SLC4A4: variants seen among roughly 807,000 people sequenced by gnomAD.
The protein encoded by SLC4A4 is solute carrier family 4 member 4.
SLC4A4 carries 27 observed loss-of-function variants against 111.5 expected under a neutral mutation model. The observed-to-expected ratio is 0.24, with a 90% CI of 0.18 to 0.33. The LOEUF (loss-of-function observed/expected upper bound fraction) is 0.33. Ranked by LOEUF, SLC4A4 falls within the 10% of genes least tolerant of loss-of-function variation. SLC4A4 has a pLI of 1.00. For synonymous variants in SLC4A4, 443 were observed against 463.4 expected (o/e 0.96, Z 0.57); for missense variants, 909 against 1,315.5 (o/e 0.69, Z 4.78).
In SLC4A4 at chr4:71,399,852, C is replaced by G. The variant is rs180895385; in HGVS notation, c.807+2199C>G. On this transcript the variant is annotated intron_variant, in intron 7 of 25. Coordinates refer to ENST00000264485, the MANE Select transcript of SLC4A4 (RefSeq NM_001098484.3). ...TAAATTCTTGACTCCTTCAGTTGCTCCTTCAGATGCTAATGTGGATTGTCA... is the reference window on the plus strand; with the variant it reads ...TAAATTCTTGACTCCTTCAGTTGCTGCTTCAGATGCTAATGTGGATTGTCA... Among the ~76,000 whole-genome samples the G allele has an allele frequency of 2.0e-5, 3 of 152,236 alleles. No individual in the cohort carries two copies. In the East Asian group the frequency reaches 5.8e-4, roughly 29 times the overall value.
chr4:71,315,195 C>T (rs1172568796), intron 3 of SLC4A4, among the ~76,000 whole-genome samples: 3 of 152,072 alleles, frequency 2.0e-5, no homozygotes, highest in Admixed American at 2.0e-4. Context: ...TTGTTTCTCC[C>T]TCTATTCTGT....
intron 2 of SLC4A4, among the ~76,000 whole-genome samples, chr4:71,147,799 T>C (rs184220653): frequency 6.6e-6 from 1 of 152,180 alleles, no homozygotes; most frequent in African/African-American, 2.4e-5. Context: ...AAAATAGCTG[T>C]TTACCAGATT....
intron 3 of SLC4A4, among the ~76,000 whole-genome samples, chr4:71,321,247 G>A (rs529494859): frequency 2.6e-5 from 4 of 151,934 alleles, no homozygotes; most frequent in African/African-American, 4.8e-5. Flanking sequence ...GAACCTCTGC[G>A]TTAAAAGTTG....
chr4:71,550,411 G>T (rs2149240873), intron 20 of SLC4A4, among the ~76,000 whole-genome samples: 1 of 151,986 alleles, frequency 6.6e-6, no homozygotes, highest in Middle Eastern at 3.4e-3. Flanking sequence ...GTCAATACAG[G>T]AAGAAGCAGA....
At chr4:71,253,025 C>CA (rs950863031) in intron 2 of SLC4A4, among the ~76,000 whole-genome samples, 31 of 152,162 alleles carry the variant, frequency 2.0e-4, no homozygotes, top group African/African-American at 6.5e-4. Flanking sequence ...TGAACGCTCC[C>CA]ACACCTGTGT....
chr4:71,369,630 T>A (rs1306198040), intron 6 of SLC4A4, among the ~76,000 whole-genome samples: 2 of 152,152 alleles, frequency 1.3e-5, no homozygotes, highest in African/African-American at 4.8e-5. Flanking sequence ...AAAGACAGAA[T>A]GGGCTATGGA....
intron 1 of SLC4A4, among the ~76,000 whole-genome samples, chr4:71,210,005 G>A (rs1718034234): frequency 6.6e-6 from 1 of 152,200 alleles, no homozygotes; most frequent in East Asian, 1.9e-4. Flanking sequence ...CTGTGACCAT[G>A]TTTATCTCTT....
At chr4:71,106,017 T>C (rs375031714) in intron 2 of SLC4A4, among the ~76,000 whole-genome samples, 23,454 of 134,602 alleles carry the variant, frequency 0.17, 1,834 homozygotes, top group East Asian at 0.24. Context: ...TTTCGCAACC[T>C]ACTCATCTGA....
At chr4:71,473,159 AAGG>A (rs1560539274) in intron 14 of SLC4A4, 189 bp downstream of exon 14, 2 of 724,220 alleles carry the variant, frequency 2.8e-6, no homozygotes, top group Non-Finnish European at 4.9e-6. Context: ...TTCAACCAGG[AAGG>A]AGACCAGGAG....
At chr4:71,308,022 A>G (rs772002518) in intron 3 of SLC4A4, among the ~76,000 whole-genome samples, 3 of 152,098 alleles carry the variant, frequency 2.0e-5, no homozygotes, top group Non-Finnish European at 4.4e-5. Flanking sequence ...ATACTTTTCT[A>G]TTCATATGAT....
At position 71,495,195 on chromosome 4, in the gene SLC4A4, C is replaced by T. The variant is rs542935583; in HGVS notation, c.1975-2306C>T. 3.9e-5 allele frequency among the ~76,000 whole-genome samples: 6 copies of T among 152,024 alleles called. No individual in the cohort carries two copies. The South Asian group carries it at 6.2e-4, about 16-fold the overall frequency. ...GAAGACATGTCTGTCATTTCATGTA[C>T]ATCTGTATAGTCTTCACCTCAACCT... On this transcript the variant is annotated intron_variant, in intron 15 of 25. Coordinates refer to ENST00000264485, the MANE Select transcript of SLC4A4 (RefSeq NM_001098484.3).
Position 71,267,584 on chromosome 4 carries a change from C to G in SLC4A4, c.253+12185C>G, listed in dbSNP as rs1294251387. Among the ~76,000 whole-genome samples the G allele has an allele frequency of 2.0e-5, 3 of 151,818 alleles. No homozygotes were observed. The East Asian group carries it at 5.8e-4, about 29-fold the overall frequency. ...CCAAGGTGGGTGGATCACCCGAGGTCAAAGTTTGAGACCAGCCTGGCCAAC... is the reference window on the plus strand; with the variant it reads ...CCAAGGTGGGTGGATCACCCGAGGTGAAAGTTTGAGACCAGCCTGGCCAAC... On this transcript the variant is annotated intron_variant, in intron 3 of 25. Coordinates refer to ENST00000264485, the MANE Select transcript of SLC4A4 (RefSeq NM_001098484.3).
chr4:71,255,521 T>A, intron 3 of SLC4A4, 122 bp downstream of exon 3: 2 of 1,030,584 alleles, frequency 1.9e-6, no homozygotes, highest in Non-Finnish European at 3.0e-6. Flanking sequence ...GTTTAGAATC[T>A]GTTCTAAAGG....
intron 7 of SLC4A4, among the ~76,000 whole-genome samples, chr4:71,438,173 C>T (rs1044794727): frequency 6.6e-6 from 1 of 152,144 alleles, no homozygotes; most frequent in African/African-American, 2.4e-5. Flanking sequence ...ATCATTAAGG[C>T]CAAAAGTAAT....
rs113359639 is a variant in SLC4A4, at chr4:71,256,961, A to G, written c.253+1562A>G. On this transcript the variant is annotated intron_variant, in intron 3 of 25. Coordinates refer to ENST00000264485, the MANE Select transcript of SLC4A4 (RefSeq NM_001098484.3). ...GTGCATCATCACTATTAATGTTAAA[A>G]AGTAAAGAGGTGCTCACCTAGACAA... Among the ~76,000 whole-genome samples the G allele has an allele frequency of 6.1e-4, 93 of 152,334 alleles. 1 individual carries two copies. Among genetic ancestry groups the G allele is most frequent in the African/African-American group, 2.0e-3 (84 of 41,582 alleles).
At chr4:71,107,623 A>G (rs1314224666) in intron 2 of SLC4A4, among the ~76,000 whole-genome samples, 1 of 152,182 alleles carries the variant, frequency 6.6e-6, no homozygotes, top group Non-Finnish European at 1.5e-5. Flanking sequence ...TGCCGGGATT[A>G]TAGACAAAAG....
intron 6 of SLC4A4, among the ~76,000 whole-genome samples, chr4:71,382,443 T>A (rs1174657806): frequency 6.6e-6 from 1 of 152,188 alleles, no homozygotes. Context: ...GCTATACATA[T>A]TTAAGTGAAA....
At chr4:71,396,530 C>T (rs1486318250) in intron 6 of SLC4A4, among the ~76,000 whole-genome samples, 1 of 152,192 alleles carries the variant, frequency 6.6e-6, no homozygotes, top group African/African-American at 2.4e-5. Context: ...CCCTTGTCCT[C>T]TTGCTGTAAA....
intron 6 of SLC4A4, among the ~76,000 whole-genome samples, chr4:71,362,064 G>A (rs929758203): frequency 2.6e-5 from 4 of 152,240 alleles, no homozygotes; most frequent in East Asian, 3.9e-4. Flanking sequence ...CCAATGAGGA[G>A]CCTGAATTTG....
Sources: gnomAD v4.1 joint callset for allele counts (sites outside exome capture counted in the v4.1 genomes callset) on GRCh38, gnomAD v4.1.1 for gene constraint, MANE v1.5 for transcripts, NCBI Gene and HGNC (gene_info 2026-07-23, HGNC 2026-07-21) for gene names.